Variants in SDK1 observed in about 807,000 individuals in gnomAD.
SDK1 encodes the protein sidekick cell adhesion molecule 1.
Under a neutral mutation model 245.5 loss-of-function variants are expected in SDK1, and 157 were observed. That is an observed-to-expected ratio of 0.64 (90% CI 0.56 to 0.73). SDK1 has a LOEUF of 0.73. SDK1 is among the 30% of genes least tolerant of loss of function. The probability of loss-of-function intolerance (pLI) is 0.00; values close to 1 mark genes in which losing one functional copy is unlikely to be tolerated. For missense variants in SDK1, 3,583 were observed against 3,002.3 expected (o/e 1.19, Z -4.52); for synonymous variants, 1,647 against 1,278.5 (o/e 1.29, Z -6.15).
intron 8 of SDK1, among the ~76,000 whole-genome samples, chr7:3,959,394 G>C (rs1251046210): frequency 1.3e-5 from 2 of 152,120 alleles, no homozygotes; most frequent in Non-Finnish European, 2.9e-5. Flanking sequence ...GACTAGGACT[G>C]GTGAGCACAG....
At chr7:3,831,432 A>G (rs967301917) in intron 5 of SDK1, among the ~76,000 whole-genome samples, 6 of 152,200 alleles carry the variant, frequency 3.9e-5, no homozygotes, top group Non-Finnish European at 8.8e-5. Context: ...CCCTTCCTTC[A>G]GAATTCTTAA....
At chr7:4,051,612 G>T in intron 18 of SDK1, 26 bp from the exon 19 acceptor site, 1 of 1,593,582 alleles carries the variant, frequency 6.3e-7, no homozygotes, top group South Asian at 1.1e-5. Flanking sequence ...AAAACAGGCT[G>T]TCTTTTTCAC....
At chr7:3,663,472 C>T (rs905390225) in intron 4 of SDK1, among the ~76,000 whole-genome samples, 9 of 152,110 alleles carry the variant, frequency 5.9e-5, no homozygotes, top group African/African-American at 1.9e-4. Context: ...TGCTTGTTTG[C>T]ATTCTGTGAT....
chr7:3,412,161 A>C (rs979377874), intron 1 of SDK1, among the ~76,000 whole-genome samples: 6 of 152,178 alleles, frequency 3.9e-5, no homozygotes, highest in Non-Finnish European at 8.8e-5. Context: ...AGATGTGGGC[A>C]ATTAATACAT....
intron 1 of SDK1, among the ~76,000 whole-genome samples, chr7:3,480,848 C>T (rs955770680): frequency 2.6e-5 from 4 of 152,162 alleles, no homozygotes; most frequent in African/African-American, 9.7e-5. Flanking sequence ...AGAAAGGCAG[C>T]TTTGTTGGTT....
chr7:3,562,996 A>G (rs192709850), intron 1 of SDK1, among the ~76,000 whole-genome samples: 21 of 152,338 alleles, frequency 1.4e-4, no homozygotes, highest in Non-Finnish European at 2.4e-4. Flanking sequence ...ATAAGAAAAC[A>G]GAAAATACAT....
At chr7:4,040,970 G>C (rs1202206359) in intron 17 of SDK1, among the ~76,000 whole-genome samples, 1 of 152,190 alleles carries the variant, frequency 6.6e-6, no homozygotes, top group African/African-American at 2.4e-5. Flanking sequence ...GCTGCTCTTT[G>C]TTAGAAAAGA....
chr7:3,991,357 C>T (rs1233578958), intron 14 of SDK1, among the ~76,000 whole-genome samples: 1 of 152,138 alleles, frequency 6.6e-6, no homozygotes, highest in Non-Finnish European at 1.5e-5. Context: ...TTCTGCAAGT[C>T]CCATTACGCC....
intron 5 of SDK1, among the ~76,000 whole-genome samples, 196 bp downstream of exon 5, chr7:3,821,779 G>A (rs1288096312): frequency 6.6e-6 from 1 of 151,996 alleles, no homozygotes. Context: ...GCGGAAAAAT[G>A]TGAATCTCAG....
rs370557141 is a variant in SDK1, at chr7:4,122,136, C to T, written c.3824-5245C>T. ...CAGATGCTGCAGGACTTCCGCTCCCCCTCCTTGTGTTTAGCTCATCAGAAT... is the reference window on the plus strand; with the variant it reads ...CAGATGCTGCAGGACTTCCGCTCCCTCTCCTTGTGTTTAGCTCATCAGAAT... On this transcript the variant is annotated intron_variant, in intron 25 of 44. Coordinates refer to ENST00000404826, the MANE Select transcript of SDK1 (RefSeq NM_152744.4). Among the ~76,000 whole-genome samples the T allele has an allele frequency of 9.2e-5, 14 of 152,248 alleles. No homozygotes were observed. In the East Asian group the frequency reaches 2.3e-3, roughly 25 times the overall value.
intron 9 of SDK1, among the ~76,000 whole-genome samples, chr7:3,966,201 A>T (rs1782070325): frequency 6.6e-6 from 1 of 151,944 alleles, no homozygotes; most frequent in African/African-American, 2.4e-5. Flanking sequence ...AGGTGGAGAG[A>T]CAAGGTCAGC....
At chr7:4,025,531 C>T (rs1046358987) in intron 17 of SDK1, among the ~76,000 whole-genome samples, 1 of 152,178 alleles carries the variant, frequency 6.6e-6, no homozygotes, top group Non-Finnish European at 1.5e-5. Flanking sequence ...AAAAATAAAC[C>T]AATCTAAGTT....
intron 4 of SDK1, among the ~76,000 whole-genome samples, chr7:3,768,763 A>G (rs768644607): frequency 7.9e-5 from 12 of 152,142 alleles, no homozygotes; most frequent in Non-Finnish European, 1.5e-4. Flanking sequence ...AATGCTTCAC[A>G]CTTTCTGAAA....
chr7:3,992,602 C>T (rs1216191494), intron 14 of SDK1, among the ~76,000 whole-genome samples: 1 of 152,154 alleles, frequency 6.6e-6, no homozygotes, highest in Admixed American at 6.5e-5. Context: ...GCATTTGGCC[C>T]ACTCTCTAAA....
At chr7:3,844,504 G>T (rs574930880) in intron 5 of SDK1, among the ~76,000 whole-genome samples, 1 of 152,118 alleles carries the variant, frequency 6.6e-6, no homozygotes, top group Non-Finnish European at 1.5e-5. Flanking sequence ...GGGAACTGTC[G>T]AGCTGGGCAC....
intron 1 of SDK1, among the ~76,000 whole-genome samples, chr7:3,410,614 T>C (rs2128577262): frequency 7.9e-6 from 1 of 126,276 alleles, no homozygotes; most frequent in Admixed American, 9.8e-5. Context: ...GGAGAAGGAG[T>C]CTTGCTCTGT....
intron 5 of SDK1, among the ~76,000 whole-genome samples, chr7:3,866,196 G>C (rs759119515): frequency 2.0e-5 from 3 of 152,216 alleles, no homozygotes; most frequent in African/African-American, 2.4e-5. Flanking sequence ...TTTGGTCTCA[G>C]ATCACACTGA....
At chr7:3,781,750 G>C (rs1263728823) in intron 4 of SDK1, among the ~76,000 whole-genome samples, 1 of 152,088 alleles carries the variant, frequency 6.6e-6, no homozygotes, top group Non-Finnish European at 1.5e-5. Flanking sequence ...AAATCTTAGA[G>C]ATGAAAAATA....
intron 4 of SDK1, among the ~76,000 whole-genome samples, chr7:3,761,858 G>C (rs973762195): frequency 1.3e-5 from 2 of 152,136 alleles, no homozygotes; most frequent in Admixed American, 6.5e-5. Context: ...GTATTTGCTT[G>C]CGACTTGCAG....
Sources: gnomAD v4.1 joint callset for allele counts (sites outside exome capture counted in the v4.1 genomes callset) on GRCh38, gnomAD v4.1.1 for gene constraint, MANE v1.5 for transcripts, NCBI Gene and HGNC (gene_info 2026-07-23, HGNC 2026-07-21) for gene names.